The following NAV1 variants were observed in gnomAD, a reference collection of about 807,000 sequenced individuals.
NAV1 encodes neuron navigator 1.
NAV1 carries 18 observed loss-of-function variants against 175.2 expected under a neutral mutation model. The observed-to-expected ratio is 0.10, with a 90% confidence interval of 0.07 to 0.15. The LOEUF (loss-of-function observed/expected upper bound fraction) is 0.15. Among genes scored for constraint, NAV1 ranks in the 10% least tolerant of loss-of-function variants. The pLI is 1.00. For synonymous variants in NAV1, 897 were observed against 978.7 expected (o/e 0.92, Z 1.56); for missense variants, 1,731 against 2,436.6 (o/e 0.71, Z 6.10).
At chr1:201,559,218 A>G (rs1666124858) in intron 1 of NAV1, among the ~76,000 whole-genome samples, 1 of 152,094 alleles carries the variant, frequency 6.6e-6, no homozygotes, top group Admixed American at 6.5e-5. Context: ...GGGGTTATTT[A>G]TGGTCCTTAC....
In NAV1 at chr1:201,539,608, C is replaced by T. The variant is rs931845731; in HGVS notation, c.-144+266C>T. Among the ~76,000 whole-genome samples the T allele has an allele frequency of 6.6e-6, 1 of 152,016 alleles. No individual in the cohort carries two copies. The highest frequency in any genetic ancestry group is 2.4e-5 in the African/African-American group (1 of 41,376). On this transcript the variant is annotated intron_variant, in intron 1 of 33. Transcript: ENST00000685211. This position sits in a 1 kb window ranked among gnomAD's most constrained non-coding sequence, Gnocchi z 5.6. ...GCGTTTGATTCTAGAGTTGACTCTC[C>T]GGGGGGGCTGCCTAACTTCAGTCCC...
rs201026864 is a variant in NAV1, at chr1:201,604,746, G to GAA, written c.-33+16098_-33+16099insAA. ...AAAGAGAAAGAAAGAAAGAAAGAAA[G>GAA]AGAGAGAGAGAGAAATAAAGGAAAA... On this transcript the variant is annotated intron_variant, in intron 2 of 33. Transcript: ENST00000685211. Among the ~76,000 whole-genome samples the GAA allele has an allele frequency of 3.2e-4, 47 of 149,004 alleles. 1 individual carries two copies. Among genetic ancestry groups the GAA allele is most frequent in the African/African-American group, 8.6e-4 (35 of 40,600 alleles).
intron 1 of NAV1, among the ~76,000 whole-genome samples, chr1:201,667,203 G>T (rs918609425): frequency 6.6e-6 from 1 of 152,294 alleles, no homozygotes; most frequent in East Asian, 1.9e-4. Flanking sequence ...GATCACCTGG[G>T]GCTCCCCTGA....
At chr1:201,608,905 G>T (rs1431887950) in intron 2 of NAV1, among the ~76,000 whole-genome samples, 1 of 152,194 alleles carries the variant, frequency 6.6e-6, no homozygotes, top group Non-Finnish European at 1.5e-5. Flanking sequence ...GTTTTAGCTT[G>T]GCTCTGAGGG....
intron 1 of NAV1, among the ~76,000 whole-genome samples, chr1:201,678,455 A>T (rs535902611): frequency 2.6e-5 from 4 of 152,276 alleles, no homozygotes; most frequent in African/African-American, 9.6e-5. Flanking sequence ...CATTTTACAG[A>T]TGAGGGTGTT....
intron 2 of NAV1, among the ~76,000 whole-genome samples, chr1:201,589,045 A>G (rs1034117929): frequency 5.3e-5 from 8 of 151,660 alleles, no homozygotes; most frequent in Non-Finnish European, 1.2e-4. Flanking sequence ...ACAGTGTTTC[A>G]TCATATCGGT....
intron 1 of NAV1, among the ~76,000 whole-genome samples, chr1:201,546,451 G>T (rs879582117): frequency 5.3e-5 from 8 of 152,200 alleles, no homozygotes; most frequent in African/African-American, 1.7e-4. Flanking sequence ...TATGGTGCAA[G>T]TTCCCCCACA....
chr1:201,733,092 A>G (rs1044540092), intron 3 of NAV1, among the ~76,000 whole-genome samples: 2 of 148,666 alleles, frequency 1.3e-5, no homozygotes, highest in African/African-American at 5.0e-5. Context: ...CAAAAAAGAA[A>G]TGGCAGGGCC....
chr1:201,713,691 C>G (rs1463041289), intron 2 of NAV1, among the ~76,000 whole-genome samples: 1 of 152,180 alleles, frequency 6.6e-6, no homozygotes, highest in Non-Finnish European at 1.5e-5. Context: ...GCAGAACAGA[C>G]AGCCAGATTG....
At position 201,584,820 on chromosome 1, in the gene NAV1, G is replaced by A. The variant is rs1666978478; in HGVS notation, c.-143-3719G>A. Among the ~76,000 whole-genome samples the A allele has an allele frequency of 2.0e-5, 3 of 152,328 alleles. No individual in the cohort carries two copies. The South Asian group carries it at 6.2e-4, about 32-fold the overall frequency. Reference sequence around the variant, plus strand: ...TGCCCCTGAGTCATCCAGAGAAAGGGGTTTGGGGAGAGTCCGGAGCAGACA... The same window carrying A: ...TGCCCCTGAGTCATCCAGAGAAAGGAGTTTGGGGAGAGTCCGGAGCAGACA... On this transcript the variant is annotated intron_variant, in intron 1 of 33. Coordinates refer to the NAV1 transcript ENST00000685211.
chr1:201,739,863 G>C, intron 3 of NAV1: 2 of 1,281,296 alleles, frequency 1.6e-6, no homozygotes, highest in South Asian at 2.9e-5. Context: ...AAGCCCTGGT[G>C]GTGGGGAGAA....
At position 201,797,484 on chromosome 1, in the gene NAV1, T is replaced by C. The variant is rs536455721; in HGVS notation, c.3517+2907T>C. 6.6e-5 allele frequency: 10 copies of C among 152,338 alleles called. No homozygotes were observed. The East Asian group carries it at 1.7e-3, about 26-fold the overall frequency. The allele number at this position is 152,338 out of a possible 1,614,324, so 9.4% of individuals were successfully genotyped here. The stretch of plus-strand genomic sequence containing the variant: ...CTCCAACTTTGTTCTTTTTCAAGGT[T>C]GTTTTGGCTACTCTGTGTCCTTTGC... On this transcript the variant is annotated intron_variant, in intron 15 of 29. Coordinates refer to ENST00000367296, the Ensembl canonical transcript of NAV1.
At chr1:201,752,549 C>T (rs1374951027) in intron 3 of NAV1, among the ~76,000 whole-genome samples, 2 of 151,892 alleles carry the variant, frequency 1.3e-5, no homozygotes, top group Non-Finnish European at 2.9e-5. Flanking sequence ...TCACAAATAA[C>T]ACATGGTCCC....
intron 2 of NAV1, among the ~76,000 whole-genome samples, chr1:201,608,748 C>G (rs1307061675): frequency 6.6e-6 from 1 of 152,154 alleles, no homozygotes; most frequent in African/African-American, 2.4e-5. Flanking sequence ...GGTTTCTCTC[C>G]TGCAGCCTGG....
At position 201,810,810 on chromosome 1, in the gene NAV1, C is replaced by G. The variant is rs973629391; in HGVS notation, c.4797+52C>G. On this transcript the variant is annotated intron_variant, in intron 24 of 29. Transcript: ENST00000367296. The surrounding 1 kb of genome is among the most constrained non-coding windows in gnomAD (Gnocchi z 6.0). ...GCCTTTGTTCATGCCTCAGCCTTCC[C>G]TAAGACCCTTCCTCGGCCCCTTCCT... 12 of 1,423,400 alleles carry G rather than the reference C, an allele frequency of 8.4e-6. No individual in the cohort carries two copies. Among genetic ancestry groups the G allele is most frequent in the African/African-American group, 1.4e-5 (1 of 71,258 alleles). The allele number at this position is 1,423,400 out of a possible 1,614,324, so 88.2% of individuals were successfully genotyped here.
intron 1 of NAV1, among the ~76,000 whole-genome samples, chr1:201,576,319 C>T (rs936123854): frequency 2.0e-5 from 3 of 152,100 alleles, no homozygotes; most frequent in Non-Finnish European, 4.4e-5. Flanking sequence ...GAGATTCATC[C>T]AGGTGTGTGT....
chr1:201,688,824 T>C (rs1670784553), intron 1 of NAV1, among the ~76,000 whole-genome samples: 1 of 152,224 alleles, frequency 6.6e-6, no homozygotes, highest in Admixed American at 6.5e-5. Flanking sequence ...CCTGATATGA[T>C]AGAATGAAAT....
rs147963925 is a variant in NAV1, at chr1:201,606,578, G to T, written c.-32-16275G>T. On this transcript the variant is annotated intron_variant, in intron 2 of 33. Transcript: ENST00000685211. ...AAGGACTAGAAAGACTGCAGTCCTG[G>T]TATTCTGTATTTCTGTCCTCTTCAT... is the stretch of plus-strand genomic sequence containing the variant. Among the ~76,000 whole-genome samples, 238 of 152,318 alleles carry T rather than the reference G, an allele frequency of 1.6e-3. 3 individuals carry two copies. The highest frequency in any genetic ancestry group is 5.5e-3 in the African/African-American group (228 of 41,566).
chr1:201,627,469 C>T (rs1341258134), intron 1 of NAV1, among the ~76,000 whole-genome samples: 2 of 151,680 alleles, frequency 1.3e-5, no homozygotes, highest in African/African-American at 2.4e-5. Flanking sequence ...GGCGGGGTTT[C>T]GCCATGTTTG....
Sources: allele counts gnomAD v4.1 joint callset (sites outside exome capture counted in the v4.1 genomes callset), GRCh38; gene constraint gnomAD v4.1.1; non-coding constraint Gnocchi (gnomAD v3.1); transcripts MANE v1.5; gene names NCBI Gene and HGNC (gene_info 2026-07-23, HGNC 2026-07-21).